Variants in ATP2C1 observed in about 807,000 individuals in gnomAD.
ATP2C1 encodes the protein calcium-transporting ATPase type 2C member 1.
In ATP2C1, 31 loss-of-function variants were observed where a neutral mutation model predicts 120.5. That is an observed-to-expected ratio of 0.26 (90% CI 0.19 to 0.35). The LOEUF is 0.35. ATP2C1 is among the 10% of genes least tolerant of loss of function. The pLI, the probability that ATP2C1 is intolerant of heterozygous loss-of-function variation, is 1.00. For synonymous variants in ATP2C1, 351 were observed against 358.7 expected (o/e 0.98, Z 0.24); for missense variants, 731 against 1,107.5 (o/e 0.66, Z 4.83).
chr3:130,921,925 T>G (rs1001731317), intron 2 of ATP2C1, among the ~76,000 whole-genome samples: 1 of 152,144 alleles, frequency 6.6e-6, no homozygotes, highest in African/African-American at 2.4e-5. Flanking sequence ...TGTAATTTTC[T>G]TTTTTTGTTA....
chr3:130,870,907 T>C (rs1216662142), intron 1 of ATP2C1, among the ~76,000 whole-genome samples: 1 of 152,194 alleles, frequency 6.6e-6, no homozygotes, highest in Non-Finnish European at 1.5e-5. Context: ...AGTCAATTGA[T>C]GCACCAAACT....
chr3:130,922,029 C>T (rs1435908098), intron 2 of ATP2C1, among the ~76,000 whole-genome samples: 3 of 152,072 alleles, frequency 2.0e-5, no homozygotes, highest in East Asian at 1.9e-4. Context: ...GTTTCAGTAA[C>T]GGTAGTACCA....
At chr3:130,949,817 CAG>C (rs1245567209) in intron 8 of ATP2C1, among the ~76,000 whole-genome samples, 1 of 152,056 alleles carries the variant, frequency 6.6e-6, no homozygotes, top group Non-Finnish European at 1.5e-5. Context: ...TTTGCATAAA[CAG>C]TGAGGTATGT....
intron 26 of ATP2C1, among the ~76,000 whole-genome samples, chr3:131,015,769 G>A (rs2063593983): frequency 6.6e-6 from 1 of 152,174 alleles, no homozygotes; most frequent in Non-Finnish European, 1.5e-5. Context: ...GGTAGACAGT[G>A]TGTCTCACTA....
intron 2 of ATP2C1, chr3:130,914,564 G>C (rs1462626417): frequency 6.6e-6 from 1 of 152,168 alleles, no homozygotes; most frequent in East Asian, 1.9e-4. Flanking sequence ...TGTCTTTTTT[G>C]GGGGGCAAGG....
At chr3:130,882,433 T>G (rs1301107205) in intron 1 of ATP2C1, among the ~76,000 whole-genome samples, 3 of 152,138 alleles carry the variant, frequency 2.0e-5, no homozygotes, top group Admixed American at 2.0e-4. Context: ...ACTCCTGACC[T>G]CAAGTGATCT....
chr3:130,957,894 A>G (rs1371285628), intron 11 of ATP2C1, among the ~76,000 whole-genome samples: 4 of 152,198 alleles, frequency 2.6e-5, no homozygotes, highest in Non-Finnish European at 4.4e-5. Context: ...CTTTGTAAAT[A>G]GTAATTCTGT....
intron 2 of ATP2C1, among the ~76,000 whole-genome samples, chr3:130,906,930 A>G (rs1007823622): frequency 6.6e-6 from 1 of 152,052 alleles, no homozygotes; most frequent in African/African-American, 2.4e-5. Flanking sequence ...AGATTTTGCG[A>G]TAAGTTAGTT....
intron 2 of ATP2C1, chr3:130,914,404 C>T (rs547829843): frequency 4.6e-4 from 70 of 151,926 alleles, no homozygotes; most frequent in African/African-American, 1.7e-3. Context: ...GGATCTGTAA[C>T]TGACTGTGAA....
chr3:130,971,152 A>C (rs2061298030), intron 17 of ATP2C1, among the ~76,000 whole-genome samples: 1 of 152,178 alleles, frequency 6.6e-6, no homozygotes, highest in South Asian at 2.1e-4. Context: ...TGATAGGTCT[A>C]TTTCATTACA....
chr3:130,903,049 C>A (rs934765770), intron 2 of ATP2C1, among the ~76,000 whole-genome samples: 2 of 152,006 alleles, frequency 1.3e-5, no homozygotes, highest in African/African-American at 4.8e-5. Context: ...TTTACTCTTA[C>A]TATACATTAT....
Position 130,940,679 on chromosome 3 carries a change from C to T in ATP2C1, c.410C>T (p.Pro137Leu). The change falls in exon 7 of 28, where the codon CCA (proline) becomes CTA (leucine). Residue 137 changes from proline to leucine, a missense_variant. Pro to Leu is a moderately conservative substitution (Grantham distance 98). Coordinates refer to ENST00000510168, the MANE Select transcript of ATP2C1 (RefSeq NM_001378687.1). The stretch of plus-strand genomic sequence containing the variant: ...GAAGAATTGAGTAAACTTGTGCCAC[C>T]AGAATGCCATTGGTATGATCCTTTT... The part of the protein sequence containing the change: ...SLEELSKLVP[P>L]ECHCVREGKL... 5 of 1,611,946 alleles carry T rather than the reference C, an allele frequency of 3.1e-6. No individual in the cohort carries two copies. Among genetic ancestry groups the T allele is most frequent in the Non-Finnish European group, 4.2e-6 (5 of 1,178,442 alleles).
chr3:130,877,207 TTGTC>T (rs1240007572), intron 1 of ATP2C1, among the ~76,000 whole-genome samples: 3 of 152,238 alleles, frequency 2.0e-5, no homozygotes, highest in Non-Finnish European at 2.9e-5. Context: ...CTCACAGTCT[TTGTC>T]TGTTTTTAAA....
chr3:130,925,736 G>A (rs980557866), intron 2 of ATP2C1, among the ~76,000 whole-genome samples: 3 of 151,930 alleles, frequency 2.0e-5, no homozygotes, highest in South Asian at 2.1e-4. Context: ...GAAAGACTAC[G>A]AGGTGGGGGC....
intron 7 of ATP2C1, among the ~76,000 whole-genome samples, chr3:130,940,910 T>C (rs1315280956): frequency 7.9e-6 from 1 of 127,282 alleles, no homozygotes; most frequent in Non-Finnish European, 1.6e-5. Context: ...AACAGATTTT[T>C]TTTTTTTTTT....
intron 18 of ATP2C1, among the ~76,000 whole-genome samples, chr3:130,976,113 T>C (rs976342948): frequency 6.6e-6 from 1 of 152,204 alleles, no homozygotes; most frequent in Non-Finnish European, 1.5e-5. Flanking sequence ...TGTAGTTATG[T>C]AGTCTCTCAC....
intron 1 of ATP2C1, among the ~76,000 whole-genome samples, chr3:130,881,359 CTCCT>C (rs2068774799): frequency 6.6e-6 from 1 of 151,828 alleles, no homozygotes; most frequent in Non-Finnish European, 1.5e-5. Flanking sequence ...CCTCCTCCTC[CTCCT>C]CCCCCTCCCC....
chr3:130,997,821 T>C (rs981392246), intron 25 of ATP2C1, 68 bp downstream of exon 25: 2 of 1,556,450 alleles, frequency 1.3e-6, no homozygotes, highest in Admixed American at 1.7e-5. Context: ...CTTAGTTATT[T>C]TGATGGGTTA....
chr3:130,867,882 T>C (rs1012556584), intron 1 of ATP2C1: 8 of 198,518 alleles, frequency 4.0e-5, no homozygotes, highest in East Asian at 1.7e-4. Flanking sequence ...ATCTAGGAAG[T>C]GAGGAGCGTC....
Sources: gnomAD v4.1 joint callset for allele counts (sites outside exome capture counted in the v4.1 genomes callset) on GRCh38, gnomAD v4.1.1 for gene constraint, MANE v1.5 for transcripts, NCBI Gene and HGNC (gene_info 2026-07-23, HGNC 2026-07-21) for gene names.